GGT5: variants seen among roughly 807,000 people sequenced by gnomAD.
GGT5 encodes the protein glutathione hydrolase 5 proenzyme.
Under a neutral mutation model 58.1 loss-of-function variants are expected in GGT5, and 50 were observed. The observed-to-expected ratio is 0.86, with a 90% CI of 0.69 to 1.09. The LOEUF (loss-of-function observed/expected upper bound fraction) is 1.09. GGT5 is among the 50% of genes least tolerant of loss of function. The probability of loss-of-function intolerance (pLI) is 0.00; values close to 1 mark genes in which losing one functional copy is unlikely to be tolerated. For missense variants in GGT5, 800 were observed against 789.4 expected (o/e 1.01, Z -0.16); for synonymous variants, 370 against 346.1 (o/e 1.07, Z -0.77).
chr22:24,223,261 G>A (rs1290553983), intron 11 of GGT5, among the ~76,000 whole-genome samples: 1 of 152,088 alleles, frequency 6.6e-6, no homozygotes, highest in African/African-American at 2.4e-5. Context: ...AATTAGCCAG[G>A]TGTGGTGGCG....
intron 7 of GGT5, 47 bp downstream of exon 7, chr22:24,226,584 C>T (rs773672905): frequency 5.6e-6 from 9 of 1,602,226 alleles, no homozygotes; most frequent in South Asian, 1.1e-5. Context: ...AAGTCCTGAG[C>T]CAGGGAGGAG....
In GGT5 at chr22:24,226,245, C is replaced by A; in HGVS notation, c.1060G>T (p.Gly354Trp). 6.2e-7 allele frequency: 1 copy of A among 1,604,308 alleles called. No homozygotes were observed. Among genetic ancestry groups the A allele is most frequent in the Non-Finnish European group, 8.5e-7 (1 of 1,177,850 alleles). ...KLQNASRDLL[G>W]ETLAQLIRQQ... ...CGGATGAGCTGGGCCAGGGTCTCCCCCAGCAGGTCCCGGGAGGCATTCTGG... is the reference window on the plus strand; with the variant it reads ...CGGATGAGCTGGGCCAGGGTCTCCCACAGCAGGTCCCGGGAGGCATTCTGG... Residue 354 changes from glycine (G) to tryptophan (W), a missense_variant, in exon 8 of 12, where the codon GGG (glycine) becomes TGG (tryptophan). Gly to Trp is a radical substitution (Grantham distance 184). Transcript: ENST00000327365.
chr22:24,224,915 GT>G (rs539462267), intron 11 of GGT5, 80 bp downstream of exon 11: 50 of 875,646 alleles, frequency 5.7e-5, no homozygotes, highest in African/African-American at 5.0e-4. Flanking sequence ...CAGTGACTGA[GT>G]TCCTCCCAGG....
At chr22:24,236,598 T>C (rs1046637041) in intron 1 of GGT5, among the ~76,000 whole-genome samples, 1 of 151,854 alleles carries the variant, frequency 6.6e-6, no homozygotes, top group Non-Finnish European at 1.5e-5. Flanking sequence ...CCCATCTCTA[T>C]TAAAAATACA....
rs527446465 is a variant in GGT5, at chr22:24,233,325, AG to A, written c.400+172del. Among the ~76,000 whole-genome samples the A allele has an allele frequency of 4.7e-4, 71 of 152,284 alleles. No individual in the cohort carries two copies. In the South Asian group the frequency reaches 0.014, roughly 31 times the overall value. Reference sequence around the variant, plus strand: ...GATCACCTCAGAGAGCCCGTTCCCAAGGGGGACCTTCTCAATCCCTGCAGGT... The same window carrying A: ...GATCACCTCAGAGAGCCCGTTCCCAAGGGGACCTTCTCAATCCCTGCAGGT... On this transcript the variant is annotated intron_variant, in intron 3 of 11. Transcript: ENST00000327365.
In GGT5 at chr22:24,232,875, G is replaced by A. The variant is rs2047986430; in HGVS notation, c.544C>T (p.Arg182Cys). 5.1e-6 allele frequency: 8 copies of A among 1,580,004 alleles called. No individual in the cohort carries two copies. The highest frequency in any genetic ancestry group is 2.3e-5 in the East Asian group (1 of 43,358). Residue 182 changes from arginine (R) to cysteine (C), a missense_variant, in exon 4 of 12, where the codon CGT (arginine) becomes TGT (cysteine). By Grantham distance (180) the Arg-to-Cys change is radical. Transcript: ENST00000327365. ...GGHVVAPVLS[R>C]FLHNSILRPS... ...CGCAGGATGCTGTTGTGCAGGAAAC[G>A]GCTGAGGACAGGGGCCACCACATGC...
intron 1 of GGT5, among the ~76,000 whole-genome samples, chr22:24,238,845 ATT>A (rs1569371808): frequency 0.011 from 142 of 13,014 alleles, 5 homozygotes; most frequent in African/African-American, 0.027. Context: ...ATATATATAT[ATT>A]ATATATATTA....
Position 24,232,031 on chromosome 22 carries a change from G to A in GGT5, c.754+20C>T, listed in dbSNP as rs1175833212. The stretch of plus-strand genomic sequence containing the variant: ...TCTTCCTCCAGCAGGGATGGGGTAT[G>A]GAACCTCAGGGAGGCTGACCTTCCT... On this transcript the variant is annotated intron_variant, in intron 5 of 11. Coordinates refer to ENST00000327365, the MANE Select transcript of GGT5 (RefSeq NM_004121.5). 1 of 1,606,672 alleles carries A rather than the reference G, an allele frequency of 6.2e-7. No homozygotes were observed. Among genetic ancestry groups the A allele is most frequent in the East Asian group, 2.2e-5 (1 of 44,828 alleles).
chr22:24,226,942 A>ATTTT lies in GGT5; in HGVS notation c.902-179_902-176dup, dbSNP rs34544519. ...CCTTAAGTGGAAAAGTAAGTTAAGG[A>ATTTT]TTTTTTTTTTTTTTTTTTTTTTTTT... On this transcript the variant is annotated intron_variant, in intron 6 of 11. Transcript: ENST00000327365. 1.4e-3 allele frequency among the ~76,000 whole-genome samples: 156 copies of ATTTT among 109,282 alleles called. 2 individuals are homozygous for ATTTT. Among genetic ancestry groups the ATTTT allele is most frequent in the African/African-American group, 5.2e-3 (149 of 28,424 alleles). 71.7% of individuals were successfully genotyped at this position (109,282 alleles called of 152,430 possible).
chr22:24,231,919 T>C, intron 5 of GGT5, 132 bp downstream of exon 5: 2 of 741,922 alleles, frequency 2.7e-6, no homozygotes, highest in Non-Finnish European at 2.2e-6. Flanking sequence ...GCTAGGTGCA[T>C]GGCCTCTCGG....
At chr22:24,235,832 T>C (rs1235985888) in intron 1 of GGT5, among the ~76,000 whole-genome samples, 1 of 151,868 alleles carries the variant, frequency 6.6e-6, no homozygotes, top group Admixed American at 6.6e-5. Flanking sequence ...CAGGGCAAAA[T>C]GGGGTAAATG....
At chr22:24,241,643 G>T (rs200874483) in intron 1 of GGT5, 3 of 152,280 alleles carry the variant, frequency 2.0e-5, no homozygotes, top group South Asian at 2.1e-4. Flanking sequence ...CGGGGCACCA[G>T]AGCTTAGCCA....
rs2047532507 is a variant in GGT5, at chr22:24,219,683, G to A, written c.*287C>T. On this transcript the variant is annotated 3_prime_UTR_variant, in exon 12 of 12. Coordinates refer to ENST00000327365, the MANE Select transcript of GGT5 (RefSeq NM_004121.5). Reference sequence around the variant, plus strand: ...GCCACAGTCCGCCTCTTTAATCTTGGACTGGAGGATATACAGATCGAGAGG... The same window carrying A: ...GCCACAGTCCGCCTCTTTAATCTTGAACTGGAGGATATACAGATCGAGAGG... 2.6e-6 allele frequency: 1 copy of A among 386,320 alleles called. No homozygotes were observed. The highest frequency in any genetic ancestry group is 4.7e-6 in the Non-Finnish European group (1 of 210,982). 23.9% of individuals were successfully genotyped at this position (386,320 alleles called of 1,614,324 possible).
intron 9 of GGT5, 61 bp downstream of exon 9, chr22:24,225,485 C>A (rs185866792): frequency 1.9e-6 from 3 of 1,589,914 alleles, no homozygotes; most frequent in East Asian, 4.5e-5. Flanking sequence ...GCCCAGCCCC[C>A]TCCCTCCTCT....
rs767011018 is a variant in GGT5, at chr22:24,225,382, C to A, written c.1366G>T (p.Gly456Ter). The part of the protein sequence containing the change: ...VSGDRVGGAP[G>*]RCWPPVPGER... ...CCTGGAACTGGGGGCCAGCACCTTC[C>A]GGGAGCTCCACCCACCCTGTCTCCA... The change falls in exon 10 of 12, where the codon GGA (glycine) becomes TGA (stop). Residue 456 changes from glycine (G) to a stop codon, truncating the protein, a stop_gained. Transcript: ENST00000327365. LOFTEE classifies it high-confidence loss of function. 1 of 1,608,630 alleles carries A rather than the reference C, an allele frequency of 6.2e-7. No individual in the cohort carries two copies. Among genetic ancestry groups the A allele is most frequent in the Admixed American group, 1.7e-5 (1 of 59,598 alleles).
rs2047722757 is a variant in GGT5, at chr22:24,225,420, C to G, written c.1337-9G>C. 19 of 1,604,942 alleles carry G rather than the reference C, an allele frequency of 1.2e-5. No individual in the cohort carries two copies. The Admixed American group carries it at 2.7e-4, about 23-fold the overall frequency. ...CACCCTGTCTCCACTCACTGCTGAG[C>G]AAACAGCGTCTTGGCAAGTGCAGTG... On this transcript the variant is annotated splice_polypyrimidine_tract_variant and intron_variant, in intron 9 of 11. Transcript: ENST00000327365.
At chr22:24,238,527 C>G (rs1197896844) in intron 1 of GGT5, among the ~76,000 whole-genome samples, 1 of 138,970 alleles carries the variant, frequency 7.2e-6, no homozygotes, top group Non-Finnish European at 1.5e-5. Context: ...ACAGTGAGAC[C>G]CCATCTCAAA....
intron 5 of GGT5, 115 bp downstream of exon 5, chr22:24,231,935 CG>C: frequency 1.2e-6 from 1 of 861,640 alleles, no homozygotes; most frequent in South Asian, 1.6e-5. Context: ...CTCGGGGTCC[CG>C]GGCACTGCCT....
rs2047721129 is a variant in GGT5 at position 24,225,371 on chromosome 22, C to T, written c.1377G>A (p.Trp459Ter). 6.2e-7 allele frequency: 1 copy of T among 1,610,562 alleles called. No individual in the cohort carries two copies. The highest frequency in any genetic ancestry group is 8.5e-7 in the Non-Finnish European group (1 of 1,178,096). The change falls in exon 10 of 12, where the codon TGG becomes TGA. Residue 459 changes from tryptophan to a stop codon, truncating the protein, a stop_gained. Coordinates refer to ENST00000327365, the MANE Select transcript of GGT5 (RefSeq NM_004121.5). LOFTEE classifies it high-confidence loss of function. ...GGGAACGCTCGCCTGGAACTGGGGG[C>T]CAGCACCTTCCGGGAGCTCCACCCA... is the stretch of plus-strand genomic sequence containing the variant. Reference protein sequence around the residue: ...DRVGGAPGRCWPPVPGERSPS... With the variant: ...DRVGGAPGRC
Sources: allele counts gnomAD v4.1 joint callset (sites outside exome capture counted in the v4.1 genomes callset), GRCh38; gene constraint gnomAD v4.1.1; transcripts MANE v1.5; gene names NCBI Gene and HGNC (gene_info 2026-07-23, HGNC 2026-07-21).